Variants in EFHD1 observed in about 807,000 individuals in gnomAD.
The protein encoded by EFHD1 is EF-hand domain-containing protein D1.
Under a neutral mutation model 17.2 loss-of-function variants are expected in EFHD1, and 10 were observed. The ratio of observed to expected loss-of-function variants is 0.58; its 90% confidence interval spans 0.36 to 0.99. The LOEUF is 0.99. EFHD1 is among the 50% of genes least tolerant of loss of function. The probability of loss-of-function intolerance (pLI) is 0.01; values close to 1 mark genes in which losing one functional copy is unlikely to be tolerated. For synonymous variants in EFHD1, 153 were observed against 142.0 expected, an observed-to-expected ratio of 1.08 and a Z score of -0.55; for missense variants, 310 against 327.5, an observed-to-expected ratio of 0.95 and a Z score of 0.41.
chr2:232,666,912 C>G (rs572587129), intron 2 of EFHD1, among the ~76,000 whole-genome samples: 1 of 152,322 alleles, frequency 6.6e-6, no homozygotes, highest in East Asian at 1.9e-4. Context: ...GTCTACTACA[C>G]AAAGCTAGGT....
intron 1 of EFHD1, among the ~76,000 whole-genome samples, chr2:232,656,378 C>T (rs1309010904): frequency 6.6e-6 from 1 of 151,868 alleles, no homozygotes; most frequent in Non-Finnish European, 1.5e-5. Context: ...TCTCTCAAAA[C>T]CTGTGCTGGG....
intron 1 of EFHD1, among the ~76,000 whole-genome samples, chr2:232,639,983 A>T (rs1297160852): frequency 6.6e-6 from 1 of 152,058 alleles, no homozygotes; most frequent in Non-Finnish European, 1.5e-5. Context: ...GGCCTCCTCC[A>T]CATTTTACAG....
intron 1 of EFHD1, among the ~76,000 whole-genome samples, chr2:232,643,059 C>G (rs1256363690): frequency 3.3e-5 from 5 of 152,182 alleles, no homozygotes; most frequent in Non-Finnish European, 7.3e-5. Context: ...CCTCTGCCAC[C>G]CTCTGTGCTG....
intron 1 of EFHD1, among the ~76,000 whole-genome samples, chr2:232,619,537 C>T (rs753366444): frequency 3.3e-5 from 5 of 152,072 alleles, no homozygotes; most frequent in Non-Finnish European, 5.9e-5. Context: ...TCTCAAACTC[C>T]TGACCTCAGG....
intron 1 of EFHD1, among the ~76,000 whole-genome samples, chr2:232,627,064 A>ATTT (rs56085382): frequency 4.6e-4 from 42 of 92,212 alleles, no homozygotes; most frequent in East Asian, 1.8e-3. Context: ...ATATATATAT[A>ATTT]TTTTTTTTTT....
chr2:232,631,553 C>T (rs1053085398), upstream of EFHD1, among the ~76,000 whole-genome samples: 28 of 151,658 alleles, frequency 1.8e-4, no homozygotes, highest in Non-Finnish European at 3.8e-4. Context: ...TCAAGTGATG[C>T]GTCTGCCTCT....
At chr2:232,641,136 G>A (rs188075904) in intron 1 of EFHD1, among the ~76,000 whole-genome samples, 4 of 152,176 alleles carry the variant, frequency 2.6e-5, no homozygotes, top group East Asian at 3.9e-4. Context: ...TCCACCTCCC[G>A]GGCTCAAGTG....
intron 1 of EFHD1, among the ~76,000 whole-genome samples, chr2:232,657,054 A>G (rs1416037382): frequency 6.6e-6 from 1 of 152,244 alleles, no homozygotes; most frequent in Non-Finnish European, 1.5e-5. Context: ...TGCTGGGATA[A>G]CAGGCAAGCC....
intron 1 of EFHD1, among the ~76,000 whole-genome samples, chr2:232,626,184 C>T (rs1425189293): frequency 1.3e-5 from 2 of 151,634 alleles, no homozygotes; most frequent in East Asian, 3.9e-4. Flanking sequence ...AGAACAAGAC[C>T]TTGTGTCCAA....
intron 1 of EFHD1, among the ~76,000 whole-genome samples, chr2:232,660,061 C>T (rs1217395881): frequency 6.6e-6 from 1 of 152,204 alleles, no homozygotes; most frequent in East Asian, 1.9e-4. Context: ...AGTCCCACCT[C>T]CAACACTGGG....
At chr2:232,671,294 C>G (rs1372982375) in intron 2 of EFHD1, among the ~76,000 whole-genome samples, 1 of 151,222 alleles carries the variant, frequency 6.6e-6, no homozygotes, top group Non-Finnish European at 1.5e-5. Flanking sequence ...AAAAAATTAG[C>G]CAGGTGTGGT....
chr2:232,646,849 TC>T (rs933961899), intron 1 of EFHD1, among the ~76,000 whole-genome samples: 5 of 152,222 alleles, frequency 3.3e-5, no homozygotes, highest in Admixed American at 3.3e-4. Context: ...CTTCCTGCAG[TC>T]CCCACGCCCA....
chr2:232,660,190 ATT>A (rs377190193), intron 1 of EFHD1, among the ~76,000 whole-genome samples: 3 of 116,166 alleles, frequency 2.6e-5, no homozygotes, highest in Non-Finnish European at 5.0e-5. Context: ...ATTTTATTTT[ATT>A]TATTTATTTA....
chr2:232,673,907 C>CTTT (rs11409819), intron 3 of EFHD1, among the ~76,000 whole-genome samples: 161 of 119,912 alleles, frequency 1.3e-3, no homozygotes, highest in Non-Finnish European at 1.7e-3. Flanking sequence ...AAGACTTCTT[C>CTTT]TTTTTTTTTT....
chr2:232,629,872 A>G (rs1694173248), upstream of EFHD1, among the ~76,000 whole-genome samples: 1 of 151,942 alleles, frequency 6.6e-6, no homozygotes, highest in Admixed American at 6.6e-5. Context: ...TTCCATATAT[A>G]GATATTTGTT....
intron 2 of EFHD1, among the ~76,000 whole-genome samples, chr2:232,669,812 G>A (rs1420425601): frequency 6.6e-6 from 1 of 152,062 alleles, no homozygotes; most frequent in African/African-American, 2.4e-5. Context: ...TGTTGGTCAG[G>A]CTGGTCTCGA....
chr2:232,660,926 C>T (rs1020941522), intron 1 of EFHD1, among the ~76,000 whole-genome samples: 11 of 151,654 alleles, frequency 7.3e-5, no homozygotes, highest in Admixed American at 2.0e-4. Flanking sequence ...CGCAGTGAGC[C>T]GAGATTGTGC....
chr2:232,614,044 A>ACACACGCATACATACACATG (rs1693871495), intron 1 of EFHD1, among the ~76,000 whole-genome samples: 1 of 50,106 alleles, frequency 2.0e-5, no homozygotes, highest in Non-Finnish European at 5.2e-5. Flanking sequence ...ACATACACAA[A>ACACACGCATACATACACATG]CACACACATA....
chr2:232,660,747 G>A (rs1694850243), intron 1 of EFHD1, among the ~76,000 whole-genome samples: 1 of 152,126 alleles, frequency 6.6e-6, no homozygotes, highest in African/African-American at 2.4e-5. Context: ...GGAGGCCAAG[G>A]CGGGCGGATC....
Sources: allele counts gnomAD v4.1 joint callset (sites outside exome capture counted in the v4.1 genomes callset), GRCh38; gene constraint gnomAD v4.1.1; transcripts MANE v1.5; gene names NCBI Gene and HGNC (gene_info 2026-07-23, HGNC 2026-07-21).